Variants in ARFGEF2 observed in about 807,000 individuals in gnomAD.
The protein encoded by ARFGEF2 is ARF guanine nucleotide exchange factor 2, also known as brefeldin A-inhibited guanine nucleotide-exchange protein 2.
A neutral mutation model predicts 219.9 loss-of-function variants in ARFGEF2; 74 were observed. The observed-to-expected ratio is 0.34, with a 90% CI of 0.28 to 0.41. The LOEUF (loss-of-function observed/expected upper bound fraction) is 0.41. Among genes scored for constraint, ARFGEF2 ranks in the 10% least tolerant of loss-of-function variants. The pLI is 1.00. For synonymous variants in ARFGEF2, 733 were observed against 799.2 expected, an observed-to-expected ratio of 0.92 and a Z score of 1.40; for missense variants, 1,743 against 2,218.3, an observed-to-expected ratio of 0.79 and a Z score of 4.30.
Position 48,965,942 on chromosome 20 carries a change from T to C in ARFGEF2, c.978T>C (p.Ala326=). ...VLGELECQEC[A]IPPGVDENSQ... is the part of the protein sequence containing the mutation. ...GTGAACTGGAGTGCCAGGAATGTGC[T>C]ATTCCCCCAGGAGTTGATGAAAACT... Residue 326 remains alanine, a synonymous_variant, in exon 8 of 39, where the codon GCT becomes GCC. Coordinates refer to ENST00000371917, the MANE Select transcript of ARFGEF2 (RefSeq NM_006420.3). 1 of 1,614,198 alleles carries C rather than the reference T, an allele frequency of 6.2e-7. No homozygotes were observed. Among genetic ancestry groups the C allele is most frequent in the Non-Finnish European group, 8.5e-7 (1 of 1,180,008 alleles).
chr20:48,928,017 A>G (rs182147292), intron 1 of ARFGEF2, among the ~76,000 whole-genome samples: 1 of 152,282 alleles, frequency 6.6e-6, no homozygotes, highest in Non-Finnish European at 1.5e-5. Flanking sequence ...TGATTTGCTT[A>G]TTGATAGTCC....
chr20:48,949,991 TCTG>T (rs913752598), intron 3 of ARFGEF2, among the ~76,000 whole-genome samples: 2 of 152,190 alleles, frequency 1.3e-5, no homozygotes, highest in African/African-American at 4.8e-5. Context: ...ACCTGGAAGT[TCTG>T]CTTCAGTAGG....
intron 6 of ARFGEF2, 52 bp from the exon 7 acceptor site, chr20:48,963,778 G>T: frequency 1.9e-6 from 3 of 1,569,856 alleles, no homozygotes; most frequent in Non-Finnish European, 2.6e-6. Flanking sequence ...CTCTTCCTTT[G>T]TTTTTCCTGA....
chr20:48,947,223 A>AC (rs1202458278), intron 3 of ARFGEF2, among the ~76,000 whole-genome samples: 1 of 147,184 alleles, frequency 6.8e-6, no homozygotes, highest in African/African-American at 2.5e-5. Flanking sequence ...ACATGGTGAG[A>AC]CCCCATCTCT....
At chr20:48,939,930 G>A (rs1233132273) in intron 1 of ARFGEF2, among the ~76,000 whole-genome samples, 2 of 152,176 alleles carry the variant, frequency 1.3e-5, no homozygotes, top group East Asian at 3.9e-4. Flanking sequence ...TTGTGTAAAG[G>A]AGGCTGGCCT....
chr20:49,027,932 G>A (rs987289298), intron 36 of ARFGEF2, among the ~76,000 whole-genome samples: 7 of 152,050 alleles, frequency 4.6e-5, no homozygotes, highest in African/African-American at 7.2e-5. Flanking sequence ...ATTTGAAACC[G>A]GCCAGGGCCA....
At chr20:48,955,686 T>C (rs1024633442) in intron 6 of ARFGEF2, among the ~76,000 whole-genome samples, 3 of 152,236 alleles carry the variant, frequency 2.0e-5, no homozygotes, top group Non-Finnish European at 4.4e-5. Context: ...CCTGTGAGAC[T>C]TTCCCAGGAA....
chr20:48,999,506 T>C (rs2091411830), intron 25 of ARFGEF2, among the ~76,000 whole-genome samples: 3 of 152,090 alleles, frequency 2.0e-5, no homozygotes. Flanking sequence ...CCCAGCACTT[T>C]GGGAGGCTGA....
At chr20:49,011,873 C>T in intron 27 of ARFGEF2, 51 bp from the exon 28 acceptor site, 2 of 1,607,354 alleles carry the variant, frequency 1.2e-6, no homozygotes, top group Non-Finnish European at 8.5e-7. Flanking sequence ...ATTTTTTCAT[C>T]CCCATTTCTA....
Position 48,985,558 on chromosome 20 carries a change from A to G in ARFGEF2, c.2221A>G (p.Lys741Glu). The G allele has an allele frequency of 6.2e-7, 1 of 1,614,164 alleles. No individual in the cohort carries two copies. The highest frequency in any genetic ancestry group is 8.5e-7 in the Non-Finnish European group (1 of 1,180,040). ...EGFRLPGEAQ[K>E]IDRLMEKFAA... ...TTTCCGCCTACCTGGAGAAGCCCAAAAGATTGACCGATTAATGGAGAAGTT... is the reference window on the plus strand; with the variant it reads ...TTTCCGCCTACCTGGAGAAGCCCAAGAGATTGACCGATTAATGGAGAAGTT... Residue 741 changes from lysine (K) to glutamate (E), a missense_variant, in exon 16 of 39, where the codon AAG becomes GAG. By Grantham distance (56) the Lys-to-Glu change is moderately conservative (BLOSUM62 1). Transcript: ENST00000371917.
At chr20:48,986,823 C>T (rs1337856657) in intron 16 of ARFGEF2, among the ~76,000 whole-genome samples, 1 of 152,128 alleles carries the variant, frequency 6.6e-6, no homozygotes, top group Non-Finnish European at 1.5e-5. Context: ...CCTCAGCCTC[C>T]TGAACTGCTG....
intron 32 of ARFGEF2, 31 bp from the exon 33 acceptor site, chr20:49,017,461 CATTG>C (rs765560529): frequency 6.2e-7 from 1 of 1,605,554 alleles, no homozygotes; most frequent in Non-Finnish European, 8.5e-7. Flanking sequence ...TTGCCTTTCA[CATTG>C]ATTATTTTTT....
At chr20:49,017,875 C>T (rs2091540832) in intron 33 of ARFGEF2, among the ~76,000 whole-genome samples, 2 of 152,162 alleles carry the variant, frequency 1.3e-5, no homozygotes, top group Admixed American at 1.3e-4. Flanking sequence ...TTAAACGGTT[C>T]TTTGAGAGCA....
intron 36 of ARFGEF2, among the ~76,000 whole-genome samples, chr20:49,028,231 C>T (rs2091614710): frequency 6.6e-6 from 1 of 151,944 alleles, no homozygotes; most frequent in Non-Finnish European, 1.5e-5. Context: ...GCACTCCAGC[C>T]TGGGCAACAA....
At chr20:48,987,476 A>G (rs1482237291) in intron 16 of ARFGEF2, among the ~76,000 whole-genome samples, 1 of 152,254 alleles carries the variant, frequency 6.6e-6, no homozygotes, top group Admixed American at 6.5e-5. Context: ...TATTTCTACT[A>G]TTAAATGTTA....
chr20:49,021,566 G>T (rs1408494215), intron 34 of ARFGEF2, among the ~76,000 whole-genome samples: 5 of 152,040 alleles, frequency 3.3e-5, no homozygotes, highest in Admixed American at 3.3e-4. Flanking sequence ...GAATTGTTGG[G>T]GCCGGGCGCG....
intron 20 of ARFGEF2, among the ~76,000 whole-genome samples, chr20:48,990,330 A>G (rs1237530847): frequency 6.6e-6 from 1 of 152,200 alleles, no homozygotes; most frequent in Non-Finnish European, 1.5e-5. Flanking sequence ...ATAATTTCGC[A>G]TATTTCCAAC....
intron 3 of ARFGEF2, among the ~76,000 whole-genome samples, chr20:48,944,970 A>AC (rs1291836926): frequency 2.0e-5 from 3 of 152,088 alleles, no homozygotes; most frequent in Non-Finnish European, 4.4e-5. Context: ...ACAGTTTTGA[A>AC]AGCTAGGCAG....
intron 14 of ARFGEF2, among the ~76,000 whole-genome samples, chr20:48,980,597 G>T (rs997781070): frequency 3.3e-5 from 5 of 152,092 alleles, no homozygotes; most frequent in African/African-American, 7.2e-5. Context: ...AAGTCTCCCA[G>T]TATTTTTGTT....
Sources: gnomAD v4.1 joint callset for allele counts (sites outside exome capture counted in the v4.1 genomes callset) on GRCh38, gnomAD v4.1.1 for gene constraint, MANE v1.5 for transcripts, NCBI Gene and HGNC (gene_info 2026-07-23, HGNC 2026-07-21) for gene names.